Variants in SYT1 observed in about 807,000 individuals in gnomAD.
SYT1 encodes the protein synaptotagmin-1.
A neutral mutation model predicts 44.8 loss-of-function variants in SYT1; 8 were observed. The ratio of observed to expected loss-of-function variants is 0.18; its 90% CI spans 0.10 to 0.32. The LOEUF is 0.32. Among genes scored for constraint, SYT1 ranks in the 10% least tolerant of loss-of-function variants. The pLI is 1.00. For synonymous variants in SYT1, 154 were observed against 188.8 expected (o/e 0.82, Z 1.51); for missense variants, 286 against 509.3 (o/e 0.56, Z 4.22).
intron 1 of SYT1, among the ~76,000 whole-genome samples, chr12:78,960,961 A>G (rs1017024248): frequency 6.6e-6 from 1 of 152,144 alleles, no homozygotes; most frequent in Non-Finnish European, 1.5e-5. Flanking sequence ...TGGCTCTGTC[A>G]TCCATTAATT....
intron 3 of SYT1, among the ~76,000 whole-genome samples, chr12:79,071,131 C>T (rs189159091): frequency 7.2e-5 from 11 of 152,154 alleles, no homozygotes; most frequent in Non-Finnish European, 1.5e-4. Context: ...TCAAAAAATA[C>T]TTAAATAACT....
intron 8 of SYT1, among the ~76,000 whole-genome samples, chr12:79,309,257 G>A (rs1013531911): frequency 4.0e-4 from 61 of 152,196 alleles, no homozygotes; most frequent in African/African-American, 1.4e-3. Flanking sequence ...CAAACAGTAC[G>A]AAAGAGTCCA....
intron 3 of SYT1, among the ~76,000 whole-genome samples, chr12:79,122,067 A>G (rs900305715): frequency 1.6e-4 from 25 of 152,174 alleles, no homozygotes; most frequent in Admixed American, 6.5e-5. Flanking sequence ...TGTTTATCAT[A>G]TTTCCTGGCA....
intron 4 of SYT1, among the ~76,000 whole-genome samples, chr12:79,249,183 C>A (rs1278307230): frequency 6.9e-6 from 1 of 145,024 alleles, no homozygotes; most frequent in Non-Finnish European, 1.5e-5. Context: ...CGGCTCACTG[C>A]AAGCTCCGCT....
chr12:78,944,646 A>G (rs1878559458), intron 1 of SYT1, among the ~76,000 whole-genome samples: 2 of 152,182 alleles, frequency 1.3e-5, no homozygotes, highest in South Asian at 4.1e-4. Flanking sequence ...AATGAAATTA[A>G]TCTGTATTTG....
chr12:79,249,084 C>CTTT (rs1247842678), intron 4 of SYT1, among the ~76,000 whole-genome samples: 1 of 67,410 alleles, frequency 1.5e-5, no homozygotes, highest in African/African-American at 6.1e-5. Context: ...CTCTTTACCT[C>CTTT]TTTCTTTTTT....
At chr12:78,886,809 G>C (rs1003318127) in intron 1 of SYT1, among the ~76,000 whole-genome samples, 30 of 151,894 alleles carry the variant, frequency 2.0e-4, no homozygotes, top group African/African-American at 2.4e-5. Flanking sequence ...AAAGACAATG[G>C]ATATTTAAAT....
chr12:79,410,364 A>G (rs1271801482), intron 9 of SYT1, among the ~76,000 whole-genome samples: 1 of 152,112 alleles, frequency 6.6e-6, no homozygotes, highest in Non-Finnish European at 1.5e-5. Context: ...TCACAGAATC[A>G]GGGGTGTTCA....
At chr12:78,918,278 T>C (rs551803669) in intron 1 of SYT1, among the ~76,000 whole-genome samples, 4 of 152,126 alleles carry the variant, frequency 2.6e-5, no homozygotes, top group South Asian at 2.1e-4. Flanking sequence ...CAGGAAAGCA[T>C]TGATGTGAAA....
intron 3 of SYT1, among the ~76,000 whole-genome samples, chr12:79,048,810 C>T (rs1219081055): frequency 6.6e-6 from 1 of 151,810 alleles, no homozygotes; most frequent in African/African-American, 2.4e-5. Context: ...GCGTGAGTTA[C>T]AAGATATGAA....
At chr12:79,232,859 G>A (rs937953805) in intron 4 of SYT1, among the ~76,000 whole-genome samples, 1 of 152,054 alleles carries the variant, frequency 6.6e-6, no homozygotes, top group African/African-American at 2.4e-5. Context: ...AAAAGGGTGA[G>A]AGGACATAAT....
chr12:79,427,454 G>A (rs1869516690), intron 9 of SYT1, among the ~76,000 whole-genome samples: 1 of 152,206 alleles, frequency 6.6e-6, no homozygotes, highest in African/African-American at 2.4e-5. Flanking sequence ...GACCCACTGT[G>A]TGCCATCAGG....
rs1565919879 is a variant in SYT1, at chr12:79,349,035, A to AAAG, written c.811-4466_811-4465insAGA. 5.5e-3 allele frequency among the ~76,000 whole-genome samples: 624 copies of AAAG among 113,266 alleles called. 7 individuals carry two copies. Among genetic ancestry groups the AAAG allele is most frequent in the African/African-American group, 0.02 (595 of 30,422 alleles). 74.3% of individuals were successfully genotyped at this position (113,266 alleles called of 152,430 possible). A position where few individuals can be genotyped will look rare whatever the true frequency, so the allele number is the denominator to read the frequency against. ...AGAAAGAAAGAAAGAAAGAAAGAAA[A>AAAG]AGAAAGAAAGAAAGAAAGAAAGGAG... On this transcript the variant is annotated intron_variant, in intron 8 of 10. Transcript: ENST00000261205.
chr12:79,038,211 A>C (rs1565774919), intron 2 of SYT1, among the ~76,000 whole-genome samples: 1 of 151,220 alleles, frequency 6.6e-6, no homozygotes, highest in Non-Finnish European at 1.5e-5. Flanking sequence ...ATATATATAC[A>C]CACATATATA....
intron 3 of SYT1, among the ~76,000 whole-genome samples, chr12:79,082,932 T>G (rs540338212): frequency 1.8e-4 from 27 of 151,982 alleles, no homozygotes; most frequent in Non-Finnish European, 3.2e-4. Context: ...AAGGAAAAAT[T>G]TTTTAATGAA....
intron 1 of SYT1, among the ~76,000 whole-genome samples, chr12:78,917,615 A>C (rs1876742146): frequency 1.3e-5 from 2 of 151,230 alleles, no homozygotes; most frequent in South Asian, 4.2e-4. Flanking sequence ...TATAATAAAA[A>C]AATTTCAAAA....
At chr12:79,339,709 A>T (rs184472157) in intron 8 of SYT1, among the ~76,000 whole-genome samples, 3 of 152,214 alleles carry the variant, frequency 2.0e-5, no homozygotes, top group African/African-American at 7.2e-5. Context: ...TTTTGTTGTC[A>T]TTGCTTTTGG....
rs1870687620 is a variant in SYT1, at chr12:79,000,753, A to C, written c.-84+22822A>C. On this transcript the variant is annotated intron_variant, in intron 2 of 10. Transcript: ENST00000261205. ...CATTATTCTGGGGCCAAAGGGTTCCAATCAGTATTTTGTTTGGGGAAGAAA... is the reference window on the plus strand; with the variant it reads ...CATTATTCTGGGGCCAAAGGGTTCCCATCAGTATTTTGTTTGGGGAAGAAA... Among the ~76,000 whole-genome samples, 3 of 152,078 alleles carry C rather than the reference A, an allele frequency of 2.0e-5. No homozygotes were observed. In the South Asian group the frequency reaches 6.2e-4, roughly 31 times the overall value.
chr12:79,418,192 G>T (rs1868875793), intron 9 of SYT1, among the ~76,000 whole-genome samples: 2 of 152,110 alleles, frequency 1.3e-5, no homozygotes, highest in African/African-American at 4.8e-5. Context: ...GCTGCTCCTT[G>T]TAGTCCCAGC....
Sources: allele counts gnomAD v4.1 joint callset (sites outside exome capture counted in the v4.1 genomes callset), GRCh38; gene constraint gnomAD v4.1.1; transcripts MANE v1.5; gene names NCBI Gene and HGNC (gene_info 2026-07-23, HGNC 2026-07-21).